The following SMYD3 variants were observed in gnomAD, a reference collection of about 807,000 sequenced individuals.
SMYD3 encodes the protein SET and MYND domain containing 3, also known as histone-lysine N-methyltransferase SMYD3.
A neutral mutation model predicts 57.7 loss-of-function variants in SMYD3; 36 were observed. That is an observed-to-expected ratio of 0.62 (90% CI 0.48 to 0.82). The LOEUF is 0.82. Ranked by LOEUF, SMYD3 falls within the 40% of genes least tolerant of loss-of-function variation. The probability of loss-of-function intolerance (pLI) is 0.00; values close to 1 mark genes in which losing one functional copy is unlikely to be tolerated. For missense variants in SMYD3, 515 were observed against 538.8 expected (o/e 0.96, Z 0.44); for synonymous variants, 211 against 195.0 (o/e 1.08, Z -0.68).
intron 1 of SMYD3, among the ~76,000 whole-genome samples, chr1:246,448,211 C>G (rs953406119): frequency 6.6e-6 from 1 of 151,834 alleles, no homozygotes; most frequent in Non-Finnish European, 1.5e-5. Flanking sequence ...AGCGAGACTC[C>G]GTCTCAAAAA....
At chr1:245,853,300 G>A (rs1365822725) in intron 10 of SMYD3, among the ~76,000 whole-genome samples, 1 of 152,202 alleles carries the variant, frequency 6.6e-6, no homozygotes, top group Non-Finnish European at 1.5e-5. Flanking sequence ...CTCTAGGAAT[G>A]AGCTTCGTTG....
intron 5 of SMYD3, among the ~76,000 whole-genome samples, chr1:246,033,066 C>T (rs927778373): frequency 2.6e-5 from 4 of 152,112 alleles, no homozygotes; most frequent in African/African-American, 9.7e-5. Flanking sequence ...ATCCCAAAGA[C>T]ATGAAAAACC....
At chr1:246,492,217 AGAT>A (rs1320933686) in intron 1 of SMYD3, among the ~76,000 whole-genome samples, 2 of 152,186 alleles carry the variant, frequency 1.3e-5, no homozygotes, top group Non-Finnish European at 2.9e-5. Flanking sequence ...ACTGAATAAA[AGAT>A]GATGACAGAA....
intron 7 of SMYD3, 55 bp from the exon 8 acceptor site, chr1:245,915,695 A>G: frequency 8.8e-7 from 1 of 1,139,248 alleles, no homozygotes; most frequent in East Asian, 2.4e-5. Context: ...TCATTTCTTT[A>G]ACAAATGGTT....
At chr1:246,463,928 G>C (rs1414898403) in intron 1 of SMYD3, among the ~76,000 whole-genome samples, 3 of 151,340 alleles carry the variant, frequency 2.0e-5, no homozygotes, top group Non-Finnish European at 4.4e-5. Flanking sequence ...ATAAGTAATT[G>C]CAACTCTGTA....
At chr1:245,856,018 A>G (rs910902400) in intron 10 of SMYD3, among the ~76,000 whole-genome samples, 13 of 152,236 alleles carry the variant, frequency 8.5e-5, no homozygotes, top group Non-Finnish European at 1.5e-4. Flanking sequence ...GTCTGCAGGG[A>G]GCCGATGCGG....
intron 1 of SMYD3, among the ~76,000 whole-genome samples, chr1:246,502,800 G>A (rs1045590744): frequency 1.1e-4 from 16 of 152,192 alleles, no homozygotes; most frequent in East Asian, 1.9e-4. Context: ...TGTCATGCTG[G>A]CTCTCATCCC....
intron 10 of SMYD3, among the ~76,000 whole-genome samples, chr1:245,827,651 G>A (rs1054013965): frequency 6.6e-6 from 1 of 152,344 alleles, no homozygotes; most frequent in East Asian, 1.9e-4. Flanking sequence ...AGGAAAGTGT[G>A]TTCCCCTTCC....
At chr1:246,270,927 G>T (rs972942595) in intron 5 of SMYD3, among the ~76,000 whole-genome samples, 1 of 152,034 alleles carries the variant, frequency 6.6e-6, no homozygotes, top group South Asian at 2.1e-4. Context: ...AGTTTTACAC[G>T]TCCACGCAGT....
chr1:245,935,918 A>C (rs1017485373), intron 5 of SMYD3, among the ~76,000 whole-genome samples: 1 of 152,212 alleles, frequency 6.6e-6, no homozygotes, highest in Non-Finnish European at 1.5e-5. Context: ...CAAAGGGTGC[A>C]AAGTTTCACC....
At chr1:246,481,621 T>TATATATATATAC (rs1307881494) in intron 1 of SMYD3, among the ~76,000 whole-genome samples, 1,577 of 98,176 alleles carry the variant, frequency 0.016, 100 homozygotes, top group East Asian at 0.026. Flanking sequence ...CATACATATA[T>TATATATATATAC]ACATACATAC....
intron 10 of SMYD3, among the ~76,000 whole-genome samples, chr1:245,789,312 A>G (rs1349129691): frequency 1.3e-5 from 2 of 152,210 alleles, no homozygotes; most frequent in Non-Finnish European, 2.9e-5. Context: ...GCACAGAGGA[A>G]CAGGGCCCTT....
At chr1:245,863,295 C>G (rs2051654546) in intron 9 of SMYD3, among the ~76,000 whole-genome samples, 1 of 152,172 alleles carries the variant, frequency 6.6e-6, no homozygotes, top group Non-Finnish European at 1.5e-5. Flanking sequence ...CATGGTCTCT[C>G]CTTACTCTGA....
At chr1:246,211,115 T>C (rs1018755974) in intron 5 of SMYD3, among the ~76,000 whole-genome samples, 1 of 151,802 alleles carries the variant, frequency 6.6e-6, no homozygotes, top group African/African-American at 2.4e-5. Flanking sequence ...TTTTCTATTA[T>C]AGGAAAAAAA....
intron 10 of SMYD3, among the ~76,000 whole-genome samples, chr1:245,825,527 G>C (rs866351896): frequency 6.6e-6 from 1 of 152,124 alleles, no homozygotes; most frequent in Non-Finnish European, 1.5e-5. Flanking sequence ...GTGTCTTCAG[G>C]CTGGAAGGGG....
At chr1:246,241,785 A>C (rs2148477297) in intron 5 of SMYD3, among the ~76,000 whole-genome samples, 1 of 152,310 alleles carries the variant, frequency 6.6e-6, no homozygotes, top group East Asian at 1.9e-4. Flanking sequence ...TTATTGGTCT[A>C]TTCAGAGATT....
At chr1:246,110,138 A>T (rs928677462) in intron 5 of SMYD3, among the ~76,000 whole-genome samples, 1 of 152,226 alleles carries the variant, frequency 6.6e-6, no homozygotes, top group Non-Finnish European at 1.5e-5. Context: ...GCAACAAGTG[A>T]ATGGAAACTG....
intron 1 of SMYD3, among the ~76,000 whole-genome samples, chr1:246,425,242 C>T (rs1038449642): frequency 1.3e-5 from 2 of 152,062 alleles, no homozygotes; most frequent in African/African-American, 4.8e-5. Flanking sequence ...TCAACACACA[C>T]CAGAAACCGC....
intron 10 of SMYD3, among the ~76,000 whole-genome samples, chr1:245,840,750 TAA>T (rs199831788): frequency 1.4e-5 from 2 of 143,138 alleles, no homozygotes. Flanking sequence ...CAGACATGGT[TAA>T]AAAAAAAAAA....
Sources: gnomAD v4.1 joint callset for allele counts (sites outside exome capture counted in the v4.1 genomes callset) on GRCh38, gnomAD v4.1.1 for gene constraint, MANE v1.5 for transcripts, NCBI Gene and HGNC (gene_info 2026-07-23, HGNC 2026-07-21) for gene names.